TRAPPC11: variants seen among roughly 807,000 people sequenced by gnomAD.
TRAPPC11 encodes trafficking protein particle complex subunit 11.
TRAPPC11 carries 104 observed loss-of-function variants against 151.2 expected under a neutral mutation model. The observed-to-expected ratio is 0.69, with a 90% confidence interval of 0.59 to 0.81. The LOEUF is 0.81. TRAPPC11 is among the 30% of genes least tolerant of loss of function. The pLI, the probability that TRAPPC11 is intolerant of heterozygous loss-of-function variation, is 0.00. For synonymous variants in TRAPPC11, 456 were observed against 472.3 expected (o/e 0.97, Z 0.45); for missense variants, 1,230 against 1,349.6 (o/e 0.91, Z 1.39).
rs199804527 is a variant in TRAPPC11 at position 183,693,628 on chromosome 4, A to G, written c.2277A>G (p.Leu759=). 3 of 1,614,088 alleles carry G rather than the reference A, an allele frequency of 1.9e-6. No individual in the cohort carries two copies. The highest frequency in any genetic ancestry group is 2.7e-5 in the African/African-American group (2 of 75,068). ...TCCCAAACATTTCTGTACATCTGCT[A>G]CATGAACCCCCTGCACTGACTAATG... ...SRVPNISVHL[L]HEPPALTNEM... Residue 759 remains leucine, a synonymous_variant, in exon 21 of 30, where the codon CTA becomes CTG. Transcript: ENST00000334690.
chr4:183,684,611 AATGAGGAAAGTATTTTTTTCTCC>A, intron 14 of TRAPPC11, 62 bp from the exon 15 acceptor site: 1 of 1,422,296 alleles, frequency 7.0e-7, no homozygotes, highest in Middle Eastern at 1.8e-4. Flanking sequence ...ACTTACATAA[AATGAGGAAAGTATTTTTTTCTCC>A]ATGAACTCTT....
chr4:183,707,030 G>A, intron 28 of TRAPPC11, 90 bp downstream of exon 28: 1 of 1,459,896 alleles, frequency 6.8e-7, no homozygotes, highest in Non-Finnish European at 9.2e-7. Flanking sequence ...AATGAACTGA[G>A]TAAAGCTGAC....
intron 20 of TRAPPC11, 99 bp downstream of exon 20, chr4:183,693,246 C>T: frequency 8.5e-7 from 1 of 1,171,860 alleles, no homozygotes; most frequent in Non-Finnish European, 1.2e-6. Context: ...GGCTGGAGTG[C>T]AGTGGTGTGA....
intron 5 of TRAPPC11, among the ~76,000 whole-genome samples, chr4:183,671,554 A>G (rs1044279917): frequency 7.2e-5 from 11 of 152,202 alleles, no homozygotes; most frequent in African/African-American, 2.2e-4. Context: ...TTAAGTATAC[A>G]GTAGTCCTCC....
At chr4:183,688,233 A>G (rs1405283769) in intron 18 of TRAPPC11, among the ~76,000 whole-genome samples, 1 of 152,202 alleles carries the variant, frequency 6.6e-6, no homozygotes, top group East Asian at 1.9e-4. Context: ...AGTGTAGGCT[A>G]GAAAGAGGGA....
intron 28 of TRAPPC11, among the ~76,000 whole-genome samples, chr4:183,708,034 G>A (rs1306045294): frequency 1.3e-5 from 2 of 151,964 alleles, no homozygotes; most frequent in African/African-American, 4.8e-5. Context: ...ATGTCTACAA[G>A]TAGATACTCT....
intron 11 of TRAPPC11, 140 bp downstream of exon 11, chr4:183,682,965 T>C: frequency 9.3e-6 from 6 of 647,172 alleles, no homozygotes; most frequent in Non-Finnish European, 1.6e-5. Context: ...TTTTTGTTTT[T>C]AGAATGCTTT....
chr4:183,670,989 C>A (rs1735126842), intron 5 of TRAPPC11, among the ~76,000 whole-genome samples: 1 of 152,144 alleles, frequency 6.6e-6, no homozygotes, highest in African/African-American at 2.4e-5. Flanking sequence ...CTCAGCCTCC[C>A]AAAGTGCTGG....
At chr4:183,707,996 TAGAA>T (rs1205265069) in intron 28 of TRAPPC11, among the ~76,000 whole-genome samples, 3 of 152,186 alleles carry the variant, frequency 2.0e-5, no homozygotes, top group Non-Finnish European at 4.4e-5. Context: ...CTAAATAAAT[TAGAA>T]AGAACTAATT....
At chr4:183,676,552 C>G (rs750797299) in intron 7 of TRAPPC11, among the ~76,000 whole-genome samples, 1 of 152,182 alleles carries the variant, frequency 6.6e-6, no homozygotes, top group Admixed American at 6.5e-5. Flanking sequence ...AAGTTATGAA[C>G]AAACTTTTTC....
intron 23 of TRAPPC11, among the ~76,000 whole-genome samples, chr4:183,695,328 C>T (rs1736484776): frequency 6.6e-6 from 1 of 152,034 alleles, no homozygotes. Context: ...TGTAAGTTGA[C>T]TTACATATAG....
Position 183,694,094 on chromosome 4 carries a change from A to G in TRAPPC11, c.2508+56A>G. On this transcript the variant is annotated intron_variant, in intron 22 of 29. Transcript: ENST00000334690. ...AATCAATTAGTTTGTAGTTTTAAAT[A>G]TATAGTGAGTTTTTAACAGTTCAGA... 8 of 1,587,256 alleles carry G rather than the reference A, an allele frequency of 5.0e-6. No individual in the cohort carries two copies. In the South Asian group the frequency reaches 9.0e-5, roughly 18 times the overall value.
At chr4:183,711,979 T>C (rs1257432629) in intron 29 of TRAPPC11, among the ~76,000 whole-genome samples, 2 of 152,252 alleles carry the variant, frequency 1.3e-5, no homozygotes, top group Non-Finnish European at 2.9e-5. Context: ...GTCTTGACTT[T>C]TCTGACGTGA....
intron 28 of TRAPPC11, 27 bp from the exon 29 acceptor site, chr4:183,708,380 C>A (rs1737182017): frequency 2.5e-6 from 4 of 1,603,050 alleles, no homozygotes; most frequent in Middle Eastern, 3.5e-4. Context: ...ATTTGATTAT[C>A]TTTCTCTGTG....
At chr4:183,661,781 T>C (rs7684983) in intron 1 of TRAPPC11, among the ~76,000 whole-genome samples, 1 of 128,652 alleles carries the variant, frequency 7.8e-6, no homozygotes, top group African/African-American at 3.1e-5. Flanking sequence ...TTTTTTTTTG[T>C]GGCACAATCT....
chr4:183,666,510 G>T, intron 3 of TRAPPC11, 84 bp downstream of exon 3: 2 of 1,341,946 alleles, frequency 1.5e-6, no homozygotes, highest in Middle Eastern at 3.8e-4. Flanking sequence ...ATGGAGTACC[G>T]TTCAGACTGC....
intron 18 of TRAPPC11, among the ~76,000 whole-genome samples, chr4:183,691,039 T>A (rs1380485941): frequency 6.6e-6 from 1 of 152,170 alleles, no homozygotes; most frequent in Non-Finnish European, 1.5e-5. Context: ...AAGGAGGTGA[T>A]AAACAGTAGT....
At chr4:183,666,084 T>A in intron 2 of TRAPPC11, 173 bp from the exon 3 acceptor site, 1 of 519,050 alleles carries the variant, frequency 1.9e-6, no homozygotes. Context: ...AGGGTTGAGA[T>A]TCCACCTTCA....
At chr4:183,691,878 T>C (rs1246923435) in intron 19 of TRAPPC11, among the ~76,000 whole-genome samples, 5 of 152,208 alleles carry the variant, frequency 3.3e-5, no homozygotes, top group African/African-American at 1.2e-4. Context: ...TATCTTTTGA[T>C]GTTTAAGCAT....
Sources: allele counts gnomAD v4.1 joint callset (sites outside exome capture counted in the v4.1 genomes callset), GRCh38; gene constraint gnomAD v4.1.1; transcripts MANE v1.5; gene names NCBI Gene and HGNC (gene_info 2026-07-23, HGNC 2026-07-21).